Variants in BMPR2 observed in about 807,000 individuals in gnomAD.
The protein encoded by BMPR2 is bone morphogenetic protein receptor type-2.
In BMPR2, 29 loss-of-function variants were observed where a neutral mutation model predicts 100.8. The observed-to-expected ratio is 0.29, with a 90% CI of 0.21 to 0.39. BMPR2 has a LOEUF of 0.39. Ranked by LOEUF, BMPR2 falls within the 10% of genes least tolerant of loss-of-function variation. The probability of loss-of-function intolerance (pLI) is 1.00; values close to 1 mark genes in which losing one functional copy is unlikely to be tolerated. For missense variants in BMPR2, 1,011 were observed against 1,274.5 expected, an observed-to-expected ratio of 0.79 and a Z score of 3.15; for synonymous variants, 382 against 442.3, an observed-to-expected ratio of 0.86 and a Z score of 1.71.
intron 1 of BMPR2, among the ~76,000 whole-genome samples, chr2:202,399,866 C>A (rs1426775567): frequency 1.3e-5 from 2 of 152,150 alleles, no homozygotes; most frequent in Admixed American, 1.3e-4. Context: ...AATCCCAGCA[C>A]TTTGGGAGGC....
At chr2:202,499,133 C>T (rs1693105251) in intron 3 of BMPR2, among the ~76,000 whole-genome samples, 1 of 152,146 alleles carries the variant, frequency 6.6e-6, no homozygotes, top group Admixed American at 6.5e-5. Context: ...AACCTGGGTA[C>T]GTGTCCCCTT....
chr2:202,483,974 G>C lies in BMPR2; in HGVS notation c.418+16285G>C, dbSNP rs565900736. ...CTGGGCATAGTGGTGCACACCTATA[G>C]TCCTAGCTACTCCAGAAGCTGAGGC... On this transcript the variant is annotated intron_variant, in intron 3 of 12. Transcript: ENST00000374580. Among the ~76,000 whole-genome samples, 3 of 152,282 alleles carry C rather than the reference G, an allele frequency of 2.0e-5. No homozygotes were observed. In the South Asian group the frequency reaches 6.2e-4, roughly 32 times the overall value.
chr2:202,409,664 A>G (rs1421456249), intron 1 of BMPR2, among the ~76,000 whole-genome samples: 1 of 152,230 alleles, frequency 6.6e-6, no homozygotes, highest in Non-Finnish European at 1.5e-5. Flanking sequence ...TATAAACAAT[A>G]ACACACAAAC....
At position 202,530,858 on chromosome 2, in the gene BMPR2, T is replaced by C. The variant is rs752247850; in HGVS notation, c.1032T>C (p.Asp344=). The part of the protein sequence containing the change: ...LNSRNVLVKN[D]GTCVISDFGL... ...GCAGAAATGTCCTAGTGAAAAATGA[T>C]GGAACCTGTGTTATTAGTGACTTTG... Residue 344 remains aspartate, a synonymous_variant, in exon 8 of 13, where the codon GAT becomes GAC. Transcript: ENST00000374580. The C allele has an allele frequency of 2.0e-5, 33 of 1,613,862 alleles. No homozygotes were observed. The highest frequency in any genetic ancestry group is 2.6e-5 in the Non-Finnish European group (31 of 1,179,884).
intron 1 of BMPR2, among the ~76,000 whole-genome samples, chr2:202,386,092 T>G (rs978638505): frequency 1.1e-4 from 16 of 152,208 alleles, no homozygotes; most frequent in African/African-American, 3.6e-4. Context: ...CTTATGTCCC[T>G]GATGGCTAAA....
chr2:202,407,066 G>A (rs930350949), intron 1 of BMPR2, among the ~76,000 whole-genome samples: 3 of 151,388 alleles, frequency 2.0e-5, no homozygotes, highest in Non-Finnish European at 2.9e-5. Context: ...TCCTGCATTA[G>A]CCTCCCAAGT....
At chr2:202,534,860 CCCCACCTCCCTCCCGGACGGGGCGG>C (rs1688102126) in intron 9 of BMPR2, among the ~76,000 whole-genome samples, 2 of 145,618 alleles carry the variant, frequency 1.4e-5, no homozygotes, top group African/African-American at 2.6e-5. Context: ...GGGCTGACCC[CCCCACCTCCCTCCCGGACGGGGCGG>C]CTGGCCGGGC....
At chr2:202,525,159 T>G (rs1434856115) in intron 7 of BMPR2, among the ~76,000 whole-genome samples, 2 of 152,138 alleles carry the variant, frequency 1.3e-5, no homozygotes, top group African/African-American at 4.8e-5. Flanking sequence ...ATTTTTAATT[T>G]TTGTGGGTAC....
chr2:202,442,315 T>TTCAG (rs1691764601), intron 1 of BMPR2, among the ~76,000 whole-genome samples: 1 of 150,590 alleles, frequency 6.6e-6, no homozygotes, highest in Admixed American at 6.6e-5. Flanking sequence ...TACTTTCTGT[T>TTCAG]TCAGTATCTT....
rs1559077796 is a variant in BMPR2, at chr2:202,566,688, T to C, written c.*6742T>C. ...AGAGACAATTTAACGTTATAAAGCC[T>C]TCTAAAAGTGAACTAAATATTTTAT... On this transcript the variant is annotated 3_prime_UTR_variant, in exon 13 of 13. Transcript: ENST00000374580. 2 of 152,224 alleles carry C rather than the reference T, an allele frequency of 1.3e-5. No homozygotes were observed. The highest frequency in any genetic ancestry group is 2.9e-5 in the Non-Finnish European group (2 of 68,022). The allele number at this position is 152,224 out of a possible 1,614,324, so 9.4% of individuals were successfully genotyped here.
intron 2 of BMPR2, among the ~76,000 whole-genome samples, 196 bp from the exon 3 acceptor site, chr2:202,467,323 T>C (rs1692344311): frequency 6.6e-6 from 1 of 152,188 alleles, no homozygotes. Context: ...TGGTGGCCTT[T>C]TCCCCCCCAT....
chr2:202,382,062 T>G (rs971576322), intron 1 of BMPR2, among the ~76,000 whole-genome samples: 415 of 146,382 alleles, frequency 2.8e-3, no homozygotes, highest in Non-Finnish European at 4.6e-3. Flanking sequence ...GTTTTTGTTT[T>G]TTTTTTTTTT....
Position 202,540,946 on chromosome 2 carries a change from A to G in BMPR2, c.1277-1365A>G, listed in dbSNP as rs141618839. Among the ~76,000 whole-genome samples the G allele has an allele frequency of 1.0e-3, 157 of 152,292 alleles. 3 individuals are homozygous for G. The East Asian group carries it at 0.027, about 26-fold the overall frequency. On this transcript the variant is annotated intron_variant, in intron 9 of 12. Transcript: ENST00000374580. The stretch of plus-strand genomic sequence containing the variant: ...TCTTTGCCATGGTTTCTACTAGATC[A>G]TTGAGTGTTGGTCCCAGGGGTCTTC...
chr2:202,544,172 AT>A (rs1688332366), intron 10 of BMPR2, among the ~76,000 whole-genome samples: 1 of 152,148 alleles, frequency 6.6e-6, no homozygotes, highest in Non-Finnish European at 1.5e-5. Flanking sequence ...TTGAAAAGTC[AT>A]CATCAAATGA....
At chr2:202,425,706 A>G (rs1369251797) in intron 1 of BMPR2, among the ~76,000 whole-genome samples, 2 of 152,238 alleles carry the variant, frequency 1.3e-5, no homozygotes, top group Non-Finnish European at 2.9e-5. Flanking sequence ...CTGAAAAAAT[A>G]AATCTTATTT....
At chr2:202,473,905 G>T (rs1692485353) in intron 3 of BMPR2, among the ~76,000 whole-genome samples, 1 of 152,000 alleles carries the variant, frequency 6.6e-6, no homozygotes, top group Admixed American at 6.6e-5. Flanking sequence ...AGGAGTTCAA[G>T]ATCAGCTTGG....
At chr2:202,422,875 C>T (rs567482369) in intron 1 of BMPR2, among the ~76,000 whole-genome samples, 5 of 151,920 alleles carry the variant, frequency 3.3e-5, no homozygotes, top group African/African-American at 1.2e-4. Flanking sequence ...TGGGGTTTCA[C>T]CATTGTTGGC....
At chr2:202,451,710 C>T (rs533285214) in intron 1 of BMPR2, among the ~76,000 whole-genome samples, 2 of 152,104 alleles carry the variant, frequency 1.3e-5, no homozygotes, top group East Asian at 3.9e-4. Flanking sequence ...AAAACAACAA[C>T]AAAAAACTAC....
chr2:202,507,690 T>C (rs976712771), intron 3 of BMPR2, among the ~76,000 whole-genome samples: 1 of 149,610 alleles, frequency 6.7e-6, no homozygotes, highest in African/African-American at 2.5e-5. Flanking sequence ...TTGCCTGGCC[T>C]TTTTTCATCT....
Sources: gnomAD v4.1 joint callset for allele counts (sites outside exome capture counted in the v4.1 genomes callset) on GRCh38, gnomAD v4.1.1 for gene constraint, MANE v1.5 for transcripts, NCBI Gene and HGNC (gene_info 2026-07-23, HGNC 2026-07-21) for gene names.